The following NF1 variants were observed in gnomAD, a reference collection of about 807,000 sequenced individuals.
The protein encoded by NF1 is neurofibromin.
Under a neutral mutation model 325.7 loss-of-function variants are expected in NF1, and 122 were observed. The ratio of observed to expected loss-of-function variants is 0.37; its 90% confidence interval spans 0.32 to 0.44. The LOEUF (loss-of-function observed/expected upper bound fraction) is 0.44. Ranked by LOEUF, NF1 falls within the 20% of genes least tolerant of loss-of-function variation. NF1 has a pLI of 1.00. For synonymous variants in NF1, 1,091 were observed against 1,186.0 expected (o/e 0.92, Z 1.65); for missense variants, 2,140 against 3,415.4 (o/e 0.63, Z 9.31).
At chr17:31,176,647 T>C (rs533664821) in intron 5 of NF1, among the ~76,000 whole-genome samples, 118 of 152,254 alleles carry the variant, frequency 7.8e-4, no homozygotes, top group Admixed American at 3.5e-3. Context: ...TTAGGTCTTA[T>C]GTTTAAGTCT....
chr17:31,323,079 A>G (rs2069252934), intron 36 of NF1, among the ~76,000 whole-genome samples: 1 of 152,160 alleles, frequency 6.6e-6, no homozygotes, highest in African/African-American at 2.4e-5. Context: ...TTGTGTACAT[A>G]AACATCAGAT....
intron 8 of NF1, among the ~76,000 whole-genome samples, chr17:31,186,847 C>G (rs558704459): frequency 6.6e-6 from 1 of 152,338 alleles, no homozygotes; most frequent in East Asian, 1.9e-4. Context: ...CTCACCAAGG[C>G]TGACTTGGCT....
In NF1 at chr17:31,108,338, G is replaced by A. The variant is rs144803891; in HGVS notation, c.60+12969G>A. On this transcript the variant is annotated intron_variant, in intron 1 of 57. Transcript: ENST00000358273. Reference sequence around the variant, plus strand: ...TACCCAGGCTGGAGTGTAATGGCACGATCTTGGCTCACTGCAACCTCTGCC... The same window carrying A: ...TACCCAGGCTGGAGTGTAATGGCACAATCTTGGCTCACTGCAACCTCTGCC... Among the ~76,000 whole-genome samples the A allele has an allele frequency of 9.9e-3, 1,275 of 128,158 alleles. 8 individuals are homozygous for A. The highest frequency in any genetic ancestry group is 0.013 in the Non-Finnish European group (858 of 64,668). 84.1% of individuals were successfully genotyped at this position (128,158 alleles called of 152,430 possible). A position where few individuals can be genotyped will look rare whatever the true frequency, so the allele number is the denominator to read the frequency against.
intron 27 of NF1, 58 bp from the exon 28 acceptor site, chr17:31,235,553 C>T (rs2151437559): frequency 3.7e-6 from 6 of 1,603,132 alleles, no homozygotes; most frequent in Non-Finnish European, 5.1e-6. Context: ...TCTTTAGCTT[C>T]CTACCTAAGA....
At chr17:31,222,587 C>G in intron 15 of NF1, 1 of 1,001,718 alleles carries the variant, frequency 1.0e-6, no homozygotes, top group Non-Finnish European at 1.2e-6. Context: ...AATGAGAACC[C>G]CATATGTTAA....
chr17:31,244,545 G>A (rs997562653), intron 29 of NF1, among the ~76,000 whole-genome samples: 4 of 152,100 alleles, frequency 2.6e-5, no homozygotes, highest in Admixed American at 2.6e-4. Flanking sequence ...CTCCATCCTT[G>A]AGCACCAGCT....
At chr17:31,198,637 T>TA (rs2066474877) in intron 8 of NF1, among the ~76,000 whole-genome samples, 1 of 150,944 alleles carries the variant, frequency 6.6e-6, no homozygotes, top group Non-Finnish European at 1.5e-5. Context: ...GTGGGGGGGA[T>TA]AGAGTCTTGC....
intron 48 of NF1, among the ~76,000 whole-genome samples, chr17:31,347,392 AT>A (rs1388402068): frequency 8.6e-5 from 13 of 151,876 alleles, no homozygotes; most frequent in Admixed American, 8.5e-4. Context: ...CAAATTCTTT[AT>A]TTTTTTTTCT....
chr17:31,161,534 G>C (rs1033872020), intron 3 of NF1, among the ~76,000 whole-genome samples: 4 of 152,178 alleles, frequency 2.6e-5, no homozygotes, highest in Non-Finnish European at 5.9e-5. Context: ...CTACAGGATA[G>C]CTTATCCATT....
chr17:31,318,457 C>T (rs1270277323), intron 36 of NF1: 1 of 1,614,004 alleles, frequency 6.2e-7, no homozygotes, highest in African/African-American at 1.3e-5. Context: ...CCATAGACCG[C>T]TTGCCAGAAA....
At position 31,233,172 on chromosome 17, in the gene NF1, A is replaced by G. The variant is rs1567851470; in HGVS notation, c.3667A>G (p.Ile1223Val). The G allele has an allele frequency of 6.2e-7, 1 of 1,614,228 alleles. No homozygotes were observed. The highest frequency in any genetic ancestry group is 8.5e-7 in the Non-Finnish European group (1 of 1,180,034). The change falls in exon 27 of 58, where the codon ATA becomes GTA. Residue 1223 changes from isoleucine to valine, a missense_variant. Coordinates refer to ENST00000358273, the MANE Select transcript of NF1 (RefSeq NM_001042492.3). ...GATGGGTGATCAAGGAGAACTCCCT[A>G]TAGCGATGGCTCTGGCCAATGTGGT... ...TMMGDQGELPIAMALANVVPC... is the reference protein window; with the variant it reads ...TMMGDQGELPVAMALANVVPC...
intron 39 of NF1, chr17:31,331,990 TATTTA>T (rs1457103334): frequency 7.7e-6 from 1 of 129,112 alleles, no homozygotes; most frequent in Non-Finnish European, 1.6e-5. Context: ...AACAAGTGAA[TATTTA>T]ATTGCTTTCT....
chr17:31,112,716 G>GT lies in NF1; in HGVS notation c.60+17354dup, dbSNP rs1217246376. ...TTTGCAAGTCTTCTAGTTTTTCCTTGTTTTTTTGTTCTCAAAGTCTTTCAA... is the reference window on the plus strand; with the variant it reads ...TTTGCAAGTCTTCTAGTTTTTCCTTGTTTTTTTTGTTCTCAAAGTCTTTCAA... On this transcript the variant is annotated intron_variant, in intron 1 of 57. Coordinates refer to ENST00000358273, the MANE Select transcript of NF1 (RefSeq NM_001042492.3). Among the ~76,000 whole-genome samples the GT allele has an allele frequency of 2.0e-5, 3 of 151,986 alleles. No homozygotes were observed. The East Asian group carries it at 5.8e-4, about 29-fold the overall frequency.
intron 1 of NF1, among the ~76,000 whole-genome samples, chr17:31,111,616 G>C (rs568022451): frequency 1.3e-5 from 2 of 152,198 alleles, no homozygotes; most frequent in South Asian, 4.1e-4. Flanking sequence ...TTAAATGTTG[G>C]CAAAAAAACC....
chr17:31,156,246 A>G (rs1350475223), intron 2 of NF1, 120 bp downstream of exon 2: 14 of 1,171,096 alleles, frequency 1.2e-5, no homozygotes, highest in Non-Finnish European at 1.5e-5. Flanking sequence ...GGATATAACC[A>G]TTAATCTTAT....
At chr17:31,173,079 G>A (rs1168943456) in intron 5 of NF1, among the ~76,000 whole-genome samples, 2 of 151,570 alleles carry the variant, frequency 1.3e-5, no homozygotes, top group Non-Finnish European at 2.9e-5. Flanking sequence ...TTAGGAGTTC[G>A]AGACCAGCCT....
chr17:31,241,989 G>A (rs1001175935), intron 29 of NF1, among the ~76,000 whole-genome samples: 1 of 151,602 alleles, frequency 6.6e-6, no homozygotes, highest in Non-Finnish European at 1.5e-5. Flanking sequence ...ATATATGAAG[G>A]ATATTTTCAC....
intron 36 of NF1, among the ~76,000 whole-genome samples, chr17:31,268,796 T>G (rs2067837511): frequency 6.6e-6 from 1 of 151,736 alleles, no homozygotes; most frequent in African/African-American, 2.4e-5. Context: ...GCTCCCAGGC[T>G]CAAACAATCT....
intron 31 of NF1, among the ~76,000 whole-genome samples, chr17:31,254,927 A>G (rs181851751): frequency 1.3e-5 from 2 of 152,168 alleles, no homozygotes; most frequent in African/African-American, 4.8e-5. Flanking sequence ...ATGTTGTTTT[A>G]TGGAGTTGTG....
Sources: allele counts gnomAD v4.1 joint callset (sites outside exome capture counted in the v4.1 genomes callset), GRCh38; gene constraint gnomAD v4.1.1; transcripts MANE v1.5; gene names NCBI Gene and HGNC (gene_info 2026-07-23, HGNC 2026-07-21).